Variants in HS6ST3 observed in about 807,000 individuals in gnomAD.
The protein encoded by HS6ST3 is heparan-sulfate 6-O-sulfotransferase 3.
HS6ST3 carries 12 observed loss-of-function variants against 36.7 expected under a neutral mutation model. The observed-to-expected ratio is 0.33, with a 90% CI of 0.21 to 0.53. The LOEUF is 0.53. Ranked by LOEUF, HS6ST3 falls within the 20% of genes least tolerant of loss-of-function variation. HS6ST3 has a pLI of 0.95. For missense variants in HS6ST3, 584 were observed against 640.9 expected (o/e 0.91, Z 0.96); for synonymous variants, 240 against 257.5 (o/e 0.93, Z 0.65).
intron 1 of HS6ST3, among the ~76,000 whole-genome samples, chr13:96,417,861 A>G (rs1381260325): frequency 1.3e-5 from 2 of 152,028 alleles, no homozygotes; most frequent in African/African-American, 4.8e-5. Context: ...ATACAGGTTT[A>G]GATTCCTGCA....
At chr13:96,092,994 A>G (rs564325836) in intron 1 of HS6ST3, among the ~76,000 whole-genome samples, 166 of 152,308 alleles carry the variant, frequency 1.1e-3, no homozygotes, top group African/African-American at 3.7e-3. Context: ...CTTTTAGCTT[A>G]AAACAGTTTT....
chr13:96,294,754 A>G (rs2054846587), intron 1 of HS6ST3, among the ~76,000 whole-genome samples: 2 of 152,150 alleles, frequency 1.3e-5, no homozygotes, highest in South Asian at 4.1e-4. Flanking sequence ...TTTGTAGGGT[A>G]ACTTAACTAT....
At chr13:96,562,857 C>T (rs961672259) in intron 1 of HS6ST3, among the ~76,000 whole-genome samples, 16 of 151,966 alleles carry the variant, frequency 1.1e-4, no homozygotes, top group Admixed American at 3.3e-4. Flanking sequence ...CTGAAAGCAT[C>T]TCTGGAAGAG....
intron 1 of HS6ST3, among the ~76,000 whole-genome samples, chr13:96,125,834 G>A (rs2053948165): frequency 6.6e-6 from 1 of 151,158 alleles, no homozygotes; most frequent in Admixed American, 6.6e-5. Context: ...CAATGTGCAG[G>A]TTAGTTACAT....
intron 1 of HS6ST3, among the ~76,000 whole-genome samples, chr13:96,451,653 A>G (rs1790521533): frequency 6.6e-6 from 1 of 152,172 alleles, no homozygotes; most frequent in African/African-American, 2.4e-5. Flanking sequence ...TTGTCCTTCT[A>G]GGCCATCTTC....
chr13:96,475,166 T>G (rs1227161643), intron 1 of HS6ST3, among the ~76,000 whole-genome samples: 5 of 152,140 alleles, frequency 3.3e-5, no homozygotes, highest in African/African-American at 1.2e-4. Flanking sequence ...CCTGAACATC[T>G]TTAGGTTGAG....
rs1299030134 is a variant in HS6ST3 at position 96,835,841 on chromosome 13, A to G, written c.*2643A>G. On this transcript the variant is annotated 3_prime_UTR_variant, in exon 2 of 2. Coordinates refer to ENST00000376705, the MANE Select transcript of HS6ST3 (RefSeq NM_153456.4). ...CTGCCTTCTGCTGAAGGCATGATGT[A>G]TGCGGCTCCACTTGAGACCAGGTAT... is the stretch of plus-strand genomic sequence containing the variant. 6.6e-6 allele frequency: 1 copy of G among 152,198 alleles called. No homozygotes were observed. The highest frequency in any genetic ancestry group is 2.4e-5 in the African/African-American group (1 of 41,444). The allele number at this position is 152,198 out of a possible 1,614,324, so 9.4% of individuals were successfully genotyped here. A position where few individuals can be genotyped will look rare whatever the true frequency, so the allele number is the denominator to read the frequency against.
chr13:96,744,817 G>A (rs536902047), intron 1 of HS6ST3, among the ~76,000 whole-genome samples: 82 of 152,142 alleles, frequency 5.4e-4, no homozygotes, highest in Admixed American at 2.6e-3. Context: ...ATTTGCATGG[G>A]CAAATTTTAA....
intron 1 of HS6ST3, among the ~76,000 whole-genome samples, chr13:96,313,415 T>A (rs763381693): frequency 1.3e-5 from 2 of 152,002 alleles, no homozygotes; most frequent in Non-Finnish European, 2.9e-5. Flanking sequence ...AGCTACCTCT[T>A]TGGAAAGCTC....
At chr13:96,198,971 G>A (rs188083999) in intron 1 of HS6ST3, among the ~76,000 whole-genome samples, 1 of 152,188 alleles carries the variant, frequency 6.6e-6, no homozygotes, top group Non-Finnish European at 1.5e-5. Flanking sequence ...AGAAAAAGAG[G>A]TTTAATTAGA....
intron 1 of HS6ST3, among the ~76,000 whole-genome samples, chr13:96,681,127 C>T (rs558881560): frequency 3.9e-5 from 6 of 152,226 alleles, no homozygotes; most frequent in South Asian, 2.1e-4. Flanking sequence ...AGTTTTCACT[C>T]GAAGAAGAGT....
At chr13:96,214,598 T>A (rs1459553639) in intron 1 of HS6ST3, among the ~76,000 whole-genome samples, 1 of 152,206 alleles carries the variant, frequency 6.6e-6, no homozygotes. Context: ...TTTTTAATTT[T>A]TATGGGTACA....
Position 96,106,491 on chromosome 13 carries a change from C to T in HS6ST3, c.707+14922C>T, listed in dbSNP as rs934248262. 3.3e-5 allele frequency among the ~76,000 whole-genome samples: 5 copies of T among 152,184 alleles called. No individual in the cohort carries two copies. In the South Asian group the frequency reaches 8.3e-4, roughly 25 times the overall value. ...GTGAGCTTGGAAAAGGATCCTTCAG[C>T]CCCAGTCAGCTCTTTACAGACAGCA... On this transcript the variant is annotated intron_variant, in intron 1 of 1. Coordinates refer to ENST00000376705, the MANE Select transcript of HS6ST3 (RefSeq NM_153456.4).
chr13:96,458,966 T>G (rs2055767932), intron 1 of HS6ST3, among the ~76,000 whole-genome samples: 1 of 151,536 alleles, frequency 6.6e-6, no homozygotes, highest in Non-Finnish European at 1.5e-5. Flanking sequence ...TAGCTGGGCA[T>G]GGTGGCATGC....
chr13:96,738,990 T>A (rs1051630068), intron 1 of HS6ST3, among the ~76,000 whole-genome samples: 1 of 152,210 alleles, frequency 6.6e-6, no homozygotes, highest in Non-Finnish European at 1.5e-5. Flanking sequence ...ATATAACCAA[T>A]GACCTTGATC....
At chr13:96,721,602 T>C (rs28684757) in intron 1 of HS6ST3, among the ~76,000 whole-genome samples, 1 of 152,190 alleles carries the variant, frequency 6.6e-6, no homozygotes, top group Admixed American at 6.5e-5. Context: ...TCATCCCCAA[T>C]GCTTTCATAG....
intron 1 of HS6ST3, among the ~76,000 whole-genome samples, chr13:96,530,868 G>A (rs2056132673): frequency 6.6e-6 from 1 of 152,116 alleles, no homozygotes; most frequent in Admixed American, 6.5e-5. Context: ...ATTTTAATGT[G>A]CATTAGAATC....
In HS6ST3 at chr13:96,765,927, A is replaced by G. The variant is rs1279052501; in HGVS notation, c.708-66563A>G. On this transcript the variant is annotated intron_variant, in intron 1 of 1. Coordinates refer to ENST00000376705, the MANE Select transcript of HS6ST3 (RefSeq NM_153456.4). The stretch of plus-strand genomic sequence containing the variant: ...TGCCATTACAGTTAATGAAATCAGG[A>G]TAGCAGTTGATTTTTATTTGATTGT... 3.9e-5 allele frequency among the ~76,000 whole-genome samples: 6 copies of G among 152,296 alleles called. No individual in the cohort carries two copies. The East Asian group carries it at 7.7e-4, about 20-fold the overall frequency.
intron 1 of HS6ST3, among the ~76,000 whole-genome samples, chr13:96,584,019 A>T (rs776576769): frequency 1.3e-5 from 2 of 152,216 alleles, no homozygotes; most frequent in Non-Finnish European, 2.9e-5. Flanking sequence ...GAATCGCTAA[A>T]GCAAACAGCC....
Sources: allele counts gnomAD v4.1 joint callset (sites outside exome capture counted in the v4.1 genomes callset), GRCh38; gene constraint gnomAD v4.1.1; transcripts MANE v1.5; gene names NCBI Gene and HGNC (gene_info 2026-07-23, HGNC 2026-07-21).